The following FSHR variants were observed in gnomAD, a reference collection of about 807,000 sequenced individuals.
The protein encoded by FSHR is follicle stimulating hormone receptor, also known as follicle-stimulating hormone receptor.
Under a neutral mutation model 52.1 loss-of-function variants are expected in FSHR, and 46 were observed. The observed-to-expected ratio is 0.88, with a 90% confidence interval of 0.70 to 1.13. FSHR has a LOEUF of 1.13. Ranked by LOEUF, FSHR falls within the 50% of genes most tolerant of loss-of-function variation. FSHR has a pLI of 0.00. For missense variants in FSHR, 964 were observed against 834.6 expected (o/e 1.16, Z -1.91); for synonymous variants, 399 against 309.6 (o/e 1.29, Z -3.03).
chr2:49,052,677 T>G (rs1050311587), intron 2 of FSHR, among the ~76,000 whole-genome samples: 1 of 152,178 alleles, frequency 6.6e-6, no homozygotes, highest in African/African-American at 2.4e-5. Flanking sequence ...AGTCTAACAC[T>G]GGCCTTTCAT....
chr2:49,021,839 C>T (rs868126592), intron 2 of FSHR, among the ~76,000 whole-genome samples: 10,971 of 44,018 alleles, frequency 0.25, 812 homozygotes, highest in Non-Finnish European at 0.29. Context: ...GTTTCTCTCT[C>T]TCTCTCTCTC....
chr2:49,037,817 C>T (rs1668324379), intron 2 of FSHR, among the ~76,000 whole-genome samples: 1 of 151,882 alleles, frequency 6.6e-6, no homozygotes, highest in Non-Finnish European at 1.5e-5. Context: ...CCAACATAGT[C>T]CTAACAGGAA....
At chr2:49,150,029 T>C (rs986542052) in intron 1 of FSHR, among the ~76,000 whole-genome samples, 2 of 152,056 alleles carry the variant, frequency 1.3e-5, no homozygotes, top group Non-Finnish European at 2.9e-5. Flanking sequence ...AGACTTCAAA[T>C]TTCAGATGTA....
chr2:49,005,341 G>T (rs1381840137), intron 4 of FSHR, among the ~76,000 whole-genome samples: 2 of 152,136 alleles, frequency 1.3e-5, no homozygotes, highest in Non-Finnish European at 2.9e-5. Flanking sequence ...CATTTTCCTA[G>T]ATTTGAAGAT....
intron 2 of FSHR, among the ~76,000 whole-genome samples, chr2:49,047,956 G>A (rs1668718661): frequency 6.6e-6 from 1 of 152,114 alleles, no homozygotes; most frequent in Non-Finnish European, 1.5e-5. Context: ...TCAGCTCACG[G>A]CAAACTCCGC....
intron 1 of FSHR, among the ~76,000 whole-genome samples, chr2:49,132,708 A>G (rs1672326725): frequency 6.6e-6 from 1 of 152,080 alleles, no homozygotes; most frequent in Admixed American, 6.6e-5. Flanking sequence ...AAGAACTTCA[A>G]AGATGATAAT....
chr2:48,993,343 C>G (rs139657042), intron 4 of FSHR, among the ~76,000 whole-genome samples: 219 of 152,284 alleles, frequency 1.4e-3, no homozygotes, highest in African/African-American at 5.1e-3. Context: ...CAATTACTCT[C>G]CATAGATAGA....
At chr2:49,006,409 C>T (rs111294102) in intron 4 of FSHR, among the ~76,000 whole-genome samples, 3,452 of 152,124 alleles carry the variant, frequency 0.023, 130 homozygotes, top group African/African-American at 0.078. Context: ...CAATCTTACC[C>T]AACCCTATCC....
intron 2 of FSHR, among the ~76,000 whole-genome samples, chr2:49,033,332 T>C (rs1165530815): frequency 6.6e-6 from 1 of 152,170 alleles, no homozygotes; most frequent in Non-Finnish European, 1.5e-5. Context: ...ATATGTCTTA[T>C]AGTAGAAACA....
chr2:49,079,977 T>C (rs967989052), intron 1 of FSHR, among the ~76,000 whole-genome samples: 4 of 152,068 alleles, frequency 2.6e-5, no homozygotes, highest in Non-Finnish European at 5.9e-5. Flanking sequence ...CAGTAAAGTA[T>C]ATAAAGAAAT....
At chr2:49,140,968 A>G (rs1415004546) in intron 1 of FSHR, among the ~76,000 whole-genome samples, 6 of 152,282 alleles carry the variant, frequency 3.9e-5, no homozygotes, top group African/African-American at 1.2e-4. Flanking sequence ...CAGCTACTCA[A>G]CCTGCTGAGA....
intron 2 of FSHR, among the ~76,000 whole-genome samples, chr2:49,058,911 C>G (rs1389751252): frequency 1.3e-5 from 2 of 152,188 alleles, no homozygotes; most frequent in South Asian, 2.1e-4. Flanking sequence ...CAATTACTAT[C>G]AAAATACCAA....
chr2:49,098,985 A>G (rs1165185590), intron 1 of FSHR, among the ~76,000 whole-genome samples: 3 of 151,428 alleles, frequency 2.0e-5, no homozygotes, highest in African/African-American at 4.8e-5. Flanking sequence ...TAGAACTAGC[A>G]GGACTTGGCG....
intron 1 of FSHR, among the ~76,000 whole-genome samples, chr2:49,081,439 A>G (rs1670165842): frequency 6.6e-6 from 1 of 152,170 alleles, no homozygotes; most frequent in Non-Finnish European, 1.5e-5. Flanking sequence ...AATATTCTCT[A>G]TACTTCATGC....
intron 1 of FSHR, among the ~76,000 whole-genome samples, chr2:49,134,981 G>A (rs1424806214): frequency 6.6e-6 from 1 of 152,048 alleles, no homozygotes; most frequent in Non-Finnish European, 1.5e-5. Context: ...CGAGTTAGTG[G>A]GTGCAGCACA....
intron 1 of FSHR, among the ~76,000 whole-genome samples, chr2:49,103,418 T>C (rs1442870674): frequency 2.6e-5 from 4 of 152,104 alleles, no homozygotes; most frequent in African/African-American, 9.7e-5. Flanking sequence ...TAAGGCCTAT[T>C]TCAGGTAGAA....
intron 1 of FSHR, among the ~76,000 whole-genome samples, chr2:49,126,010 A>G (rs897340084): frequency 1.3e-5 from 2 of 152,232 alleles, no homozygotes; most frequent in African/African-American, 4.8e-5. Flanking sequence ...ATAACAAGCC[A>G]GAAGAAAGAG....
chr2:49,053,857 A>T (rs17771948), intron 2 of FSHR, among the ~76,000 whole-genome samples: 8,511 of 152,258 alleles, frequency 0.056, 292 homozygotes, highest in Middle Eastern at 0.068. Context: ...TCAAATGCCC[A>T]TGTTGTTTCA....
At chr2:49,037,426 C>T (rs1456136132) in intron 2 of FSHR, among the ~76,000 whole-genome samples, 1 of 152,158 alleles carries the variant, frequency 6.6e-6, no homozygotes, top group Non-Finnish European at 1.5e-5. Context: ...TGAGGGTAAA[C>T]ATTAGAAACC....
Sources: allele counts gnomAD v4.1 joint callset (sites outside exome capture counted in the v4.1 genomes callset), GRCh38; gene constraint gnomAD v4.1.1; transcripts MANE v1.5; gene names NCBI Gene and HGNC (gene_info 2026-07-23, HGNC 2026-07-21).